The following ARFGEF2 variants were observed in gnomAD, a reference collection of about 807,000 sequenced individuals.
ARFGEF2 encodes brefeldin A-inhibited guanine nucleotide-exchange protein 2.
A neutral mutation model predicts 219.9 loss-of-function variants in ARFGEF2; 74 were observed. The ratio of observed to expected loss-of-function variants is 0.34; its 90% CI spans 0.28 to 0.41. The LOEUF is 0.41. Ranked by LOEUF, ARFGEF2 falls within the 10% of genes least tolerant of loss-of-function variation. The pLI is 1.00. For missense variants in ARFGEF2, 1,743 were observed against 2,218.3 expected, an observed-to-expected ratio of 0.79 and a Z score of 4.30; for synonymous variants, 733 against 799.2, an observed-to-expected ratio of 0.92 and a Z score of 1.40.
In ARFGEF2 at chr20:49,023,184, A is replaced by G; in HGVS notation, c.4755+3A>G. 6.2e-7 allele frequency: 1 copy of G among 1,614,076 alleles called. No homozygotes were observed. Among genetic ancestry groups the G allele is most frequent in the East Asian group, 2.2e-5 (1 of 44,886 alleles). ...CAGAGCACATGGTTGCCGCCCAGGT[A>G]AGAACAGGAGGCCTCAGGAAGAGCA... is the stretch of plus-strand genomic sequence containing the variant. On this transcript the variant is annotated splice_donor_region_variant and intron_variant, in intron 35 of 38. Coordinates refer to ENST00000371917, the MANE Select transcript of ARFGEF2 (RefSeq NM_006420.3).
At chr20:48,945,683 C>A (rs547502122) in intron 3 of ARFGEF2, among the ~76,000 whole-genome samples, 1 of 152,234 alleles carries the variant, frequency 6.6e-6, no homozygotes, top group African/African-American at 2.4e-5. Flanking sequence ...TATTGAGACC[C>A]CATCTCTACA....
intron 36 of ARFGEF2, among the ~76,000 whole-genome samples, chr20:49,027,436 C>T (rs2091610298): frequency 6.6e-6 from 1 of 152,148 alleles, no homozygotes; most frequent in African/African-American, 2.4e-5. Flanking sequence ...GTGGTTCACA[C>T]CTATAATCCC....
chr20:49,020,522 T>C (rs1045410044), intron 34 of ARFGEF2, among the ~76,000 whole-genome samples: 1 of 152,208 alleles, frequency 6.6e-6, no homozygotes, highest in East Asian at 1.9e-4. Flanking sequence ...CATAGCTCAT[T>C]GCAGCCTTGA....
At chr20:48,927,464 G>A (rs968444156) in intron 1 of ARFGEF2, among the ~76,000 whole-genome samples, 29 of 152,148 alleles carry the variant, frequency 1.9e-4, no homozygotes, top group African/African-American at 2.9e-4. Flanking sequence ...CGAGGCGGGC[G>A]GCTCAGTTGA....
chr20:49,002,083 C>G lies in ARFGEF2; in HGVS notation c.3433-2987C>G, dbSNP rs538260361. On this transcript the variant is annotated intron_variant, in intron 25 of 38. Transcript: ENST00000371917. The stretch of plus-strand genomic sequence containing the variant: ...CAACAAATACAAAATTAGCCAAATA[C>G]AAAAATTAGCAGGGCGCGGTAGTGG... 9.7e-4 allele frequency among the ~76,000 whole-genome samples: 147 copies of G among 152,110 alleles called. 1 individual carries two copies. Among genetic ancestry groups the G allele is most frequent in the African/African-American group, 3.5e-3 (146 of 41,490 alleles).
At chr20:48,962,323 G>A (rs2091158345) in intron 6 of ARFGEF2, among the ~76,000 whole-genome samples, 1 of 152,144 alleles carries the variant, frequency 6.6e-6, no homozygotes, top group Admixed American at 6.5e-5. Context: ...GCATCACCAC[G>A]AATATAAGTA....
chr20:48,936,233 G>A (rs540923221), intron 1 of ARFGEF2, among the ~76,000 whole-genome samples: 66 of 146,372 alleles, frequency 4.5e-4, no homozygotes, highest in African/African-American at 1.6e-3. Context: ...CGGACGGGGC[G>A]GCTGGCCGGG....
In ARFGEF2 at chr20:48,969,281, A is replaced by G; in HGVS notation, c.1190+4A>G. ...GTGAAGGCCCTCCAGACCCAAAGTA[A>G]GCAGACAGCAGTTCTTGGCCACCTT... is the stretch of plus-strand genomic sequence containing the variant. On this transcript the variant is annotated splice_donor_region_variant and intron_variant, in intron 9 of 38. Coordinates refer to ENST00000371917, the MANE Select transcript of ARFGEF2 (RefSeq NM_006420.3). 1 of 1,614,196 alleles carries G rather than the reference A, an allele frequency of 6.2e-7. No individual in the cohort carries two copies. Among genetic ancestry groups the G allele is most frequent in the African/African-American group, 1.3e-5 (1 of 75,056 alleles).
rs759985917 is a variant in ARFGEF2 at position 49,011,930 on chromosome 20, T to C, written c.3764T>C (p.Ile1255Thr). 3.7e-6 allele frequency: 6 copies of C among 1,614,198 alleles called. 1 individual carries two copies. In the South Asian group the frequency reaches 5.5e-5, roughly 15 times the overall value. ...GTGCCTTGTGTTCCCCCAGCAACTA[T>C]TTTCCAGCACCATTTTCCTGCAGCC... Reference protein sequence around the residue: ...FQTTCHIVTTIFQHHFPAAID... With the variant: ...FQTTCHIVTTTFQHHFPAAID... The change falls in exon 28 of 39, where the codon ATT becomes ACT. Residue 1255 changes from isoleucine to threonine, a missense_variant. Transcript: ENST00000371917.
intron 1 of ARFGEF2, among the ~76,000 whole-genome samples, chr20:48,931,487 A>G (rs375574562): frequency 1.3e-5 from 2 of 152,188 alleles, no homozygotes; most frequent in East Asian, 3.9e-4. Context: ...GATATATAAT[A>G]TGTCAAGGGT....
At chr20:48,968,909 A>G (rs1345284682) in intron 8 of ARFGEF2, among the ~76,000 whole-genome samples, 1 of 152,124 alleles carries the variant, frequency 6.6e-6, no homozygotes, top group Non-Finnish European at 1.5e-5. Context: ...TTGAATTTCC[A>G]AGAGATAATT....
rs1339837109 is a variant in ARFGEF2 at position 49,010,473 on chromosome 20, A to G, written c.3757+69A>G. 12 of 1,575,946 alleles carry G rather than the reference A, an allele frequency of 7.6e-6. 1 individual carries two copies. Among genetic ancestry groups the G allele is most frequent in the Middle Eastern group, 3.3e-4 (2 of 6,034 alleles). On this transcript the variant is annotated intron_variant, in intron 27 of 38. Coordinates refer to ENST00000371917, the MANE Select transcript of ARFGEF2 (RefSeq NM_006420.3). Reference sequence around the variant, plus strand: ...TCTAGAAGAGTGTCACTTGCTGTCTATTTTACTACCTACAGGGGCTTCCCT... The same window carrying G: ...TCTAGAAGAGTGTCACTTGCTGTCTGTTTTACTACCTACAGGGGCTTCCCT...
intron 1 of ARFGEF2, among the ~76,000 whole-genome samples, chr20:48,934,047 G>C (rs2090930930): frequency 6.6e-6 from 1 of 150,724 alleles, no homozygotes; most frequent in Admixed American, 6.6e-5. Context: ...TTGAACCCAG[G>C]AGGCGGAGGT....
intron 36 of ARFGEF2, among the ~76,000 whole-genome samples, chr20:49,028,150 A>AG (rs1310193439): frequency 1.3e-5 from 2 of 151,912 alleles, no homozygotes; most frequent in Non-Finnish European, 2.9e-5. Flanking sequence ...CCCAGCTACT[A>AG]GGGAGGCTGA....
chr20:48,934,296 C>A (rs1336660035), intron 1 of ARFGEF2, among the ~76,000 whole-genome samples: 1 of 151,974 alleles, frequency 6.6e-6, no homozygotes, highest in African/African-American at 2.4e-5. Context: ...GGCACCCTGC[C>A]ACACACACTT....
At chr20:48,945,649 T>C (rs1600597800) in intron 3 of ARFGEF2, among the ~76,000 whole-genome samples, 1 of 152,098 alleles carries the variant, frequency 6.6e-6, no homozygotes, top group South Asian at 2.1e-4. Context: ...TGAGGCCAGG[T>C]ATTTGAGAAC....
At chr20:48,995,652 G>A (rs2091381227) in intron 22 of ARFGEF2, 131 bp from the exon 23 acceptor site, 3 of 823,238 alleles carry the variant, frequency 3.6e-6, no homozygotes, top group Non-Finnish European at 6.3e-6. Flanking sequence ...GTGGGTTTTT[G>A]TTTCTTTTTT....
intron 38 of ARFGEF2, 55 bp downstream of exon 38, chr20:49,032,221 CT>C: frequency 7.6e-7 from 1 of 1,307,474 alleles, no homozygotes; most frequent in Non-Finnish European, 1.1e-6. Context: ...TTTGGGTTGG[CT>C]TTTTACTCAA....
chr20:48,963,175 C>CAAAAAAAAAAAAAA (rs71337478), intron 6 of ARFGEF2, among the ~76,000 whole-genome samples: 6 of 110,846 alleles, frequency 5.4e-5, no homozygotes, highest in Admixed American at 1.7e-4. Context: ...AACTCTGTCT[C>CAAAAAAAAAAAAAA]AAAAAAAAAA....
Sources: allele counts gnomAD v4.1 joint callset (sites outside exome capture counted in the v4.1 genomes callset), GRCh38; gene constraint gnomAD v4.1.1; transcripts MANE v1.5; gene names NCBI Gene and HGNC (gene_info 2026-07-23, HGNC 2026-07-21).